MYRFL: variants seen among roughly 807,000 people sequenced by gnomAD.
MYRFL encodes myelin regulatory factor like, also known as myelin regulatory factor-like protein.
Under a neutral mutation model 109.4 loss-of-function variants are expected in MYRFL, and 88 were observed. The observed-to-expected ratio is 0.80, with a 90% CI of 0.68 to 0.96. MYRFL has a LOEUF of 0.96. MYRFL is among the 40% of genes least tolerant of loss of function. The pLI is 0.00. For synonymous variants in MYRFL, 324 were observed against 320.9 expected, an observed-to-expected ratio of 1.01 and a Z score of -0.10; for missense variants, 957 against 954.9, an observed-to-expected ratio of 1.00 and a Z score of -0.03.
chr12:69,849,504 T>C (rs576251293), intron 1 of MYRFL, among the ~76,000 whole-genome samples: 3 of 152,346 alleles, frequency 2.0e-5, no homozygotes, highest in African/African-American at 7.2e-5. Context: ...TATGCTAGCT[T>C]CATGAAAATA....
At chr12:69,880,077 A>T (rs1592746536) in intron 4 of MYRFL, 124 bp from the exon 5 acceptor site, 2 of 595,038 alleles carry the variant, frequency 3.4e-6, no homozygotes, top group East Asian at 5.6e-5. Flanking sequence ...AGTAGGGCTC[A>T]AGGAACCTTA....
intron 16 of MYRFL, among the ~76,000 whole-genome samples, chr12:69,934,053 C>T (rs1197363220): frequency 2.0e-5 from 3 of 152,064 alleles, no homozygotes; most frequent in South Asian, 2.1e-4. Flanking sequence ...CTGGGCTATG[C>T]GTTGAGGCAG....
At chr12:69,844,375 T>C (rs1003032796) in intron 1 of MYRFL, among the ~76,000 whole-genome samples, 5 of 152,144 alleles carry the variant, frequency 3.3e-5, no homozygotes, top group African/African-American at 1.2e-4. Context: ...CTCCTATTTC[T>C]ACCTGGGGAA....
chr12:69,833,520 A>G (rs1882759469), intron 1 of MYRFL, among the ~76,000 whole-genome samples: 1 of 152,234 alleles, frequency 6.6e-6, no homozygotes, highest in Non-Finnish European at 1.5e-5. Flanking sequence ...CCATTTAATG[A>G]ATGCTTTACT....
intron 19 of MYRFL, among the ~76,000 whole-genome samples, chr12:69,948,064 C>T (rs540235167): frequency 6.6e-6 from 1 of 152,182 alleles, no homozygotes; most frequent in African/African-American, 2.4e-5. Flanking sequence ...CTATATGAAG[C>T]TTATAATGAA....
At chr12:69,845,817 T>A (rs934835484) in intron 1 of MYRFL, among the ~76,000 whole-genome samples, 1 of 151,750 alleles carries the variant, frequency 6.6e-6, no homozygotes, top group Non-Finnish European at 1.5e-5. Flanking sequence ...AAAACCTTGT[T>A]ATTTCAGGTT....
At chr12:69,952,317 T>C (rs1165300874) in intron 20 of MYRFL, 142 bp downstream of exon 20, 3 of 709,836 alleles carry the variant, frequency 4.2e-6, no homozygotes, top group Non-Finnish European at 7.2e-6. Flanking sequence ...CTGTGTGTTA[T>C]AATCGATGCC....
chr12:69,845,790 G>T (rs1368437665), intron 1 of MYRFL, among the ~76,000 whole-genome samples: 1 of 97,596 alleles, frequency 1.0e-5, no homozygotes, highest in African/African-American at 4.1e-5. Context: ...GTTGGGAAAA[G>T]CGAAAAAAAA....
chr12:69,903,948 C>T lies in MYRFL; in HGVS notation c.1383+104C>T, dbSNP rs528312446. 29 of 1,046,896 alleles carry T rather than the reference C, an allele frequency of 2.8e-5. No individual in the cohort carries two copies. The African/African-American group carries it at 4.0e-4, about 14-fold the overall frequency. The allele number at this position is 1,046,896 out of a possible 1,614,324, so 64.9% of individuals were successfully genotyped here. ...CCTTGAACCGCACATCTTTACATGT[C>T]ACCCACTGGTGTGAGATGAACACAC... On this transcript the variant is annotated intron_variant, in intron 11 of 24. Coordinates refer to ENST00000552032, the MANE Select transcript of MYRFL (RefSeq NM_182530.3).
chr12:69,841,947 G>A (rs892648352), intron 1 of MYRFL, among the ~76,000 whole-genome samples: 5 of 152,136 alleles, frequency 3.3e-5, no homozygotes, highest in African/African-American at 1.2e-4. Flanking sequence ...GTAGATGCTT[G>A]TATTAGCCTC....
At chr12:69,941,985 G>C (rs1335385295) in intron 19 of MYRFL, among the ~76,000 whole-genome samples, 61 of 149,600 alleles carry the variant, frequency 4.1e-4, no homozygotes, top group African/African-American at 1.2e-3. Flanking sequence ...ACTAAACCAG[G>C]AAGAAGCTGA....
chr12:69,912,930 A>G (rs887908765), intron 13 of MYRFL, among the ~76,000 whole-genome samples: 15 of 152,188 alleles, frequency 9.9e-5, no homozygotes, highest in Non-Finnish European at 1.9e-4. Context: ...ACAGTTCCCA[A>G]AGATTCCAGT....
At chr12:69,865,562 G>A (rs963647518) in intron 2 of MYRFL, among the ~76,000 whole-genome samples, 2 of 152,140 alleles carry the variant, frequency 1.3e-5, no homozygotes, top group African/African-American at 4.8e-5. Flanking sequence ...GGGGGTGAGA[G>A]ACAGGAGGAC....
At chr12:69,838,275 C>T (rs772980777) in intron 1 of MYRFL, among the ~76,000 whole-genome samples, 43 of 152,134 alleles carry the variant, frequency 2.8e-4, no homozygotes, top group Admixed American at 2.5e-3. Flanking sequence ...TCACCTGCAG[C>T]GCCTGTGGGT....
intron 14 of MYRFL, 50 bp downstream of exon 14, chr12:69,926,784 G>C: frequency 3.8e-6 from 5 of 1,321,566 alleles, no homozygotes; most frequent in Non-Finnish European, 4.9e-6. Context: ...GAGAGAGTGA[G>C]CTCTTTCCAG....
At chr12:69,857,036 AT>A (rs560118275) in intron 2 of MYRFL, among the ~76,000 whole-genome samples, 8 of 150,908 alleles carry the variant, frequency 5.3e-5, no homozygotes, top group African/African-American at 9.7e-5. Flanking sequence ...ATCCATTTTG[AT>A]TTTTTTTTGT....
At chr12:69,866,986 G>A (rs1252725294) in intron 2 of MYRFL, among the ~76,000 whole-genome samples, 4 of 152,200 alleles carry the variant, frequency 2.6e-5, no homozygotes, top group South Asian at 2.1e-4. Flanking sequence ...TTATTTGGCC[G>A]TGGGCCCCAT....
Position 69,893,919 on chromosome 12 carries a change from T to A in MYRFL, c.980+79T>A, listed in dbSNP as rs1365586168. The stretch of plus-strand genomic sequence containing the variant: ...CTTTGTTTTTTATATATATATAATT[T>A]TATTTATTATCTAATATATTTTGCT... On this transcript the variant is annotated intron_variant, in intron 8 of 24. Coordinates refer to ENST00000552032, the MANE Select transcript of MYRFL (RefSeq NM_182530.3). 3 of 415,100 alleles carry A rather than the reference T, an allele frequency of 7.2e-6. No homozygotes were observed. The East Asian group carries it at 1.7e-4, about 23-fold the overall frequency. The allele number at this position is 415,100 out of a possible 1,614,324, so 25.7% of individuals were successfully genotyped here.
At chr12:69,948,479 A>C (rs1955891514) in intron 19 of MYRFL, among the ~76,000 whole-genome samples, 1 of 152,202 alleles carries the variant, frequency 6.6e-6, no homozygotes, top group Non-Finnish European at 1.5e-5. Context: ...TTTTTCTGCA[A>C]ATTCAGCAGG....
Sources: allele counts gnomAD v4.1 joint callset (sites outside exome capture counted in the v4.1 genomes callset), GRCh38; gene constraint gnomAD v4.1.1; transcripts MANE v1.5; gene names NCBI Gene and HGNC (gene_info 2026-07-23, HGNC 2026-07-21).